Variants in RBFOX1 observed in about 807,000 individuals in gnomAD.
The protein encoded by RBFOX1 is RNA binding fox-1 homolog 1.
A neutral mutation model predicts 57.7 loss-of-function variants in RBFOX1; 8 were observed. The observed-to-expected ratio is 0.14, with a 90% CI of 0.08 to 0.25. RBFOX1 has a LOEUF of 0.25. Ranked by LOEUF, RBFOX1 falls within the 10% of genes least tolerant of loss-of-function variation. RBFOX1 has a pLI of 1.00. For synonymous variants in RBFOX1, 326 were observed against 222.4 expected (o/e 1.47, Z -4.15); for missense variants, 611 against 548.5 (o/e 1.11, Z -1.14).
At chr16:7,080,063 A>G (rs1339882622) in intron 4 of RBFOX1, among the ~76,000 whole-genome samples, 3 of 139,294 alleles carry the variant, frequency 2.2e-5, no homozygotes, top group African/African-American at 8.4e-5. Context: ...TACATATTAT[A>G]TATATACATA....
chr16:6,718,761 A>G (rs2065338807), intron 3 of RBFOX1, among the ~76,000 whole-genome samples: 1 of 152,150 alleles, frequency 6.6e-6, no homozygotes, highest in African/African-American at 2.4e-5. Context: ...CAAAATCCCA[A>G]ATGAGTTAAA....
At chr16:7,148,530 C>T (rs1157900418) in intron 4 of RBFOX1, among the ~76,000 whole-genome samples, 1 of 152,254 alleles carries the variant, frequency 6.6e-6, no homozygotes, top group African/African-American at 2.4e-5. Context: ...ATTAAGGCCG[C>T]AGTGCCGAGT....
At chr16:7,287,606 C>A (rs1002294562) in intron 4 of RBFOX1, among the ~76,000 whole-genome samples, 8 of 152,104 alleles carry the variant, frequency 5.3e-5, no homozygotes, top group Non-Finnish European at 1.0e-4. Context: ...TTTATTTTTC[C>A]TTATAATGAA....
chr16:6,502,478 T>C (rs888036630), intron 2 of RBFOX1, among the ~76,000 whole-genome samples: 4 of 152,192 alleles, frequency 2.6e-5, no homozygotes, highest in Non-Finnish European at 2.9e-5. Context: ...TAAAATAGGA[T>C]GGCAGTATAA....
rs111231193 is a variant in RBFOX1 at position 5,954,375 on chromosome 16, T to A, written c.351+87040T>A. Among the ~76,000 whole-genome samples, 490 of 151,566 alleles carry A rather than the reference T, an allele frequency of 3.2e-3. 1 individual carries two copies. The highest frequency in any genetic ancestry group is 5.4e-3 in the Non-Finnish European group (366 of 67,880). ...TAACGGTGGAGCAGGTGGTGCCGGG[T>A]CTCTTCTTTCGCCACCACCGCTGGA... On this transcript the variant is annotated intron_variant, in intron 4 of 19. Coordinates refer to the RBFOX1 transcript ENST00000641259.
In RBFOX1 at chr16:5,273,222, C is replaced by T. The variant is rs545499521; in HGVS notation, c.219+33117C>T. Among the ~76,000 whole-genome samples, 10 of 150,254 alleles carry T rather than the reference C, an allele frequency of 6.7e-5. No homozygotes were observed. The East Asian group carries it at 9.8e-4, about 15-fold the overall frequency. On this transcript the variant is annotated intron_variant, in intron 1 of 2. Transcript: ENST00000585867. ...TAGAGCTCAAAGCCACGATTGCTTT[C>T]AATTTTTTTTTTTTTTTGGTGGTCG...
intron 4 of RBFOX1, among the ~76,000 whole-genome samples, chr16:5,933,066 G>A (rs2059098499): frequency 6.6e-6 from 1 of 152,212 alleles, no homozygotes; most frequent in Non-Finnish European, 1.5e-5. Flanking sequence ...TTAGGTGGGG[G>A]CAGACAAACA....
rs906302494 is a variant in RBFOX1 at position 6,142,484 on chromosome 16, G to A, written c.-127+122492G>A. 3.2e-4 allele frequency among the ~76,000 whole-genome samples: 49 copies of A among 152,042 alleles called. 1 individual carries two copies. Among genetic ancestry groups the A allele is most frequent in the African/African-American group, 1.1e-3 (47 of 41,402 alleles). On this transcript the variant is annotated intron_variant, in intron 1 of 15. Coordinates refer to ENST00000550418, the MANE Select transcript of RBFOX1 (RefSeq NM_018723.4). ...GATTCGCCCGCCTCGGCCTCCCAAA[G>A]CGCTGGGATTACAGGCGTGAGCCAC...
intron 3 of RBFOX1, among the ~76,000 whole-genome samples, chr16:6,811,613 G>T (rs1457830578): frequency 6.6e-6 from 1 of 152,186 alleles, no homozygotes; most frequent in Admixed American, 6.5e-5. Context: ...CAGGAGGCCA[G>T]TTACGGTGCC....
chr16:6,110,566 C>G (rs1267243294), intron 1 of RBFOX1, among the ~76,000 whole-genome samples: 2 of 152,102 alleles, frequency 1.3e-5, no homozygotes, highest in Non-Finnish European at 2.9e-5. Flanking sequence ...ACAAAACCCT[C>G]CAATTAAGAT....
At chr16:6,569,256 A>T (rs1391303855) in intron 2 of RBFOX1, among the ~76,000 whole-genome samples, 1 of 152,192 alleles carries the variant, frequency 6.6e-6, no homozygotes, top group East Asian at 1.9e-4. Context: ...TCCCAAAGTT[A>T]GCCTCTCAAA....
intron 3 of RBFOX1, among the ~76,000 whole-genome samples, chr16:7,032,068 G>A (rs375584780): frequency 9.9e-5 from 15 of 152,258 alleles, no homozygotes; most frequent in African/African-American, 3.6e-4. Context: ...GAAGCTGCCA[G>A]CAACTTTCGG....
At position 5,777,448 on chromosome 16, in the gene RBFOX1, C is replaced by T. The variant is rs76014014; in HGVS notation, c.319-89855C>T. ...ATAGAAGGCACATATTCAGATGAGA[C>T]TCTAGGCAGTAGGACCGGGACATCT... On this transcript the variant is annotated intron_variant, in intron 3 of 19. Coordinates refer to the RBFOX1 transcript ENST00000641259. Among the ~76,000 whole-genome samples, 885 of 152,258 alleles carry T rather than the reference C, an allele frequency of 5.8e-3. 7 individuals are homozygous for T. The highest frequency in any genetic ancestry group is 0.018 in the African/African-American group (765 of 41,516).
rs756342526 is a variant in RBFOX1, at chr16:7,273,196, TCCTC to T, written c.27+221106_27+221109del. Among the ~76,000 whole-genome samples, 296 of 50,654 alleles carry T rather than the reference TCCTC, an allele frequency of 5.8e-3. 28 individuals are homozygous for T. Among genetic ancestry groups the T allele is most frequent in the Middle Eastern group, 0.032 (2 of 62 alleles). The allele number at this position is 50,654 out of a possible 152,430, so 33.2% of individuals were successfully genotyped here. A position where few individuals can be genotyped will look rare whatever the true frequency, so the allele number is the denominator to read the frequency against. On this transcript the variant is annotated intron_variant, in intron 4 of 15. Coordinates refer to ENST00000550418, the MANE Select transcript of RBFOX1 (RefSeq NM_018723.4). Reference sequence around the variant, plus strand: ...TCCCTCCCTTCCTTCCTCCCTTCCTTCCTCCCTCCCTTCCTTCCTTCCTTCCTTC... The same window carrying T: ...TCCCTCCCTTCCTTCCTCCCTTCCTTCCTCCCTTCCTTCCTTCCTTCCTTC...
intron 5 of RBFOX1, among the ~76,000 whole-genome samples, chr16:7,529,372 T>C (rs1408150920): frequency 6.6e-6 from 1 of 152,158 alleles, no homozygotes; most frequent in Non-Finnish European, 1.5e-5. Context: ...CAAAATAAAT[T>C]TTTAGTTTTC....
chr16:6,396,298 G>C (rs1372868079), intron 2 of RBFOX1, among the ~76,000 whole-genome samples: 6 of 152,108 alleles, frequency 3.9e-5, no homozygotes, highest in Non-Finnish European at 2.9e-5. Flanking sequence ...AGATGCATTT[G>C]ATATTCACCC....
intron 4 of RBFOX1, among the ~76,000 whole-genome samples, chr16:5,951,046 C>G (rs1162783809): frequency 1.3e-5 from 2 of 152,114 alleles, no homozygotes; most frequent in Non-Finnish European, 2.9e-5. Context: ...TACCAGGTAC[C>G]TCAGAATCAC....
intron 3 of RBFOX1, among the ~76,000 whole-genome samples, chr16:6,776,982 T>C (rs1193531815): frequency 6.6e-6 from 1 of 152,194 alleles, no homozygotes; most frequent in African/African-American, 2.4e-5. Flanking sequence ...TACGTGATTT[T>C]GATGCAGTTG....
intron 4 of RBFOX1, among the ~76,000 whole-genome samples, chr16:7,444,719 G>A (rs1027660445): frequency 6.6e-6 from 1 of 152,148 alleles, no homozygotes; most frequent in Non-Finnish European, 1.5e-5. Context: ...ATTTGTAGAG[G>A]TGAGGGCTCC....
Sources: gnomAD v4.1 joint callset for allele counts (sites outside exome capture counted in the v4.1 genomes callset) on GRCh38, gnomAD v4.1.1 for gene constraint, MANE v1.5 for transcripts, NCBI Gene and HGNC (gene_info 2026-07-23, HGNC 2026-07-21) for gene names.